Variants in RIMBP2 observed in about 807,000 individuals in gnomAD.
The protein encoded by RIMBP2 is RIMS-binding protein 2.
A neutral mutation model predicts 118.6 loss-of-function variants in RIMBP2; 48 were observed. The ratio of observed to expected loss-of-function variants is 0.40; its 90% confidence interval spans 0.32 to 0.51. The LOEUF (loss-of-function observed/expected upper bound fraction) is 0.51, where lower values mean the gene tolerates loss of function less well. Among genes scored for constraint, RIMBP2 ranks in the 20% least tolerant of loss-of-function variants. RIMBP2 has a pLI of 0.41. For synonymous variants in RIMBP2, 762 were observed against 742.9 expected (o/e 1.03, Z -0.42); for missense variants, 1,551 against 1,768.3 (o/e 0.88, Z 2.20).
At chr12:130,481,177 G>C (rs893539588) in intron 4 of RIMBP2, among the ~76,000 whole-genome samples, 1 of 151,948 alleles carries the variant, frequency 6.6e-6, no homozygotes, top group Non-Finnish European at 1.5e-5. Context: ...CCCAGGCTCA[G>C]GGGGAGGGGT....
At chr12:130,541,217 T>A (rs1406665892) in intron 2 of RIMBP2, among the ~76,000 whole-genome samples, 1 of 152,200 alleles carries the variant, frequency 6.6e-6, no homozygotes, top group Non-Finnish European at 1.5e-5. Context: ...GTCTCTCATC[T>A]TCTTCCCTCA....
At position 130,525,459 on chromosome 12, in the gene RIMBP2, A is replaced by G. The variant is rs968457907; in HGVS notation, c.-216-7542T>C. Reference sequence around the variant, plus strand: ...GTCATGCTTAGAGCCTCCTAGGGGCATGGATGACTAAGGAAGGTAGAGAAT... The same window carrying G: ...GTCATGCTTAGAGCCTCCTAGGGGCGTGGATGACTAAGGAAGGTAGAGAAT... On this transcript the variant is annotated intron_variant, in intron 2 of 22. Coordinates refer to ENST00000690449, the MANE Select transcript of RIMBP2 (RefSeq NM_001393629.1). The surrounding 1 kb of genome is among the most constrained non-coding windows in gnomAD (Gnocchi z 4.4). 6.6e-6 allele frequency among the ~76,000 whole-genome samples: 1 copy of G among 152,198 alleles called. No homozygotes were observed. The highest frequency in any genetic ancestry group is 1.5e-5 in the Non-Finnish European group (1 of 68,030).
chr12:130,603,386 A>C (rs1160110516), intron 2 of RIMBP2, among the ~76,000 whole-genome samples: 1 of 152,216 alleles, frequency 6.6e-6, no homozygotes, highest in African/African-American at 2.4e-5. Context: ...TGTGCTCGGA[A>C]GGCAGGTGTA....
intron 21 of RIMBP2, among the ~76,000 whole-genome samples, chr12:130,401,493 C>T (rs900279948): frequency 1.3e-5 from 2 of 151,874 alleles, no homozygotes; most frequent in African/African-American, 4.8e-5. Context: ...CTGCATCTTC[C>T]TGTTCAGCAA....
chr12:130,708,768 C>T (rs1217539328), intron 1 of RIMBP2, among the ~76,000 whole-genome samples: 4 of 152,214 alleles, frequency 2.6e-5, no homozygotes, highest in Non-Finnish European at 5.9e-5. Context: ...CTCTAAGAGG[C>T]TCGCGTGGGC....
chr12:130,552,775 G>A (rs1410534387), intron 2 of RIMBP2, among the ~76,000 whole-genome samples: 1 of 152,188 alleles, frequency 6.6e-6, no homozygotes, highest in African/African-American at 2.4e-5. Context: ...ATCCCAGGGT[G>A]ACAGAGCCTT....
At chr12:130,677,862 A>G (rs1942734431) in intron 1 of RIMBP2, among the ~76,000 whole-genome samples, 1 of 152,186 alleles carries the variant, frequency 6.6e-6, no homozygotes, top group Admixed American at 6.5e-5. Context: ...AAACCAGATC[A>G]CATTACACCT....
chr12:130,469,411 C>G lies in RIMBP2; in HGVS notation c.153+1282G>C, dbSNP rs1593418406. ...GTCATGTCAATGGGCTCCGGGGCAACTGGGGAGAGGCAACTACCTTTTCTG... is the reference window on the plus strand; with the variant it reads ...GTCATGTCAATGGGCTCCGGGGCAAGTGGGGAGAGGCAACTACCTTTTCTG... On this transcript the variant is annotated intron_variant, in intron 6 of 22. Coordinates refer to ENST00000690449, the MANE Select transcript of RIMBP2 (RefSeq NM_001393629.1). The surrounding 1 kb of genome is among the most constrained non-coding windows in gnomAD (Gnocchi z 4.8). 6.6e-6 allele frequency among the ~76,000 whole-genome samples: 1 copy of G among 152,118 alleles called. No homozygotes were observed. The highest frequency in any genetic ancestry group is 1.5e-5 in the Non-Finnish European group (1 of 68,032).
intron 20 of RIMBP2, among the ~76,000 whole-genome samples, chr12:130,406,705 A>T (rs527678225): frequency 6.6e-6 from 1 of 152,238 alleles, no homozygotes; most frequent in East Asian, 1.9e-4. Context: ...GGAGTGCAGC[A>T]GTGCAACCTC....
intron 6 of RIMBP2, among the ~76,000 whole-genome samples, chr12:130,464,831 G>C (rs1225832652): frequency 6.6e-6 from 1 of 152,280 alleles, no homozygotes; most frequent in East Asian, 1.9e-4. Flanking sequence ...CTGGCCCAGG[G>C]GTCACCCAGC....
At chr12:130,583,961 A>G (rs1273662157) in intron 2 of RIMBP2, among the ~76,000 whole-genome samples, 1 of 149,936 alleles carries the variant, frequency 6.7e-6, no homozygotes, top group Non-Finnish European at 1.5e-5. Context: ...TCGCATCACC[A>G]TCACCACCAA....
chr12:130,665,565 A>G (rs2129661), intron 1 of RIMBP2, among the ~76,000 whole-genome samples: 82,040 of 151,268 alleles, frequency 0.54, 23,528 homozygotes, highest in Non-Finnish European at 0.64. Context: ...AAAAACACCC[A>G]AATCTAATTG....
rs1335582546 is a variant in RIMBP2, at chr12:130,646,195, TTCCCTCTCCACC to T, written c.-351-17751_-351-17740del. On this transcript the variant is annotated intron_variant, in intron 1 of 22. Coordinates refer to ENST00000690449, the MANE Select transcript of RIMBP2 (RefSeq NM_001393629.1). ...CCTGCCTCTCCACCTCCCTCACCAC[TTCCCTCTCCACC>T]TCCCTCTCCACCTCCCTCACCACCT... 8.3e-3 allele frequency among the ~76,000 whole-genome samples: 36 copies of T among 4,346 alleles called. 4 individuals carry two copies. The highest frequency in any genetic ancestry group is 0.056 in the South Asian group (1 of 18). 2.9% of individuals were successfully genotyped at this position (4,346 alleles called of 152,430 possible).
chr12:130,441,347 G>A (rs1296306914), intron 11 of RIMBP2, among the ~76,000 whole-genome samples: 1 of 151,208 alleles, frequency 6.6e-6, no homozygotes, highest in African/African-American at 2.4e-5. Context: ...GTTGCAGTGA[G>A]CTGAGATTGC....
rs12832122 is a variant in RIMBP2, at chr12:130,646,106, T to G, written c.-351-17650A>C. Among the ~76,000 whole-genome samples, 251 of 51,128 alleles carry G rather than the reference T, an allele frequency of 4.9e-3. 10 individuals carry two copies. The highest frequency in any genetic ancestry group is 8.8e-3 in the African/African-American group (107 of 12,178). 33.5% of individuals were successfully genotyped at this position (51,128 alleles called of 152,430 possible). A position where few individuals can be genotyped will look rare whatever the true frequency, so the allele number is the denominator to read the frequency against. Reference sequence around the variant, plus strand: ...CACCACTTCCCTCTCCACCTCCCTCTCCACCTCCCTCACCACCTGCCTCTC... The same window carrying G: ...CACCACTTCCCTCTCCACCTCCCTCGCCACCTCCCTCACCACCTGCCTCTC... On this transcript the variant is annotated intron_variant, in intron 1 of 22. Coordinates refer to ENST00000690449, the MANE Select transcript of RIMBP2 (RefSeq NM_001393629.1).
Position 130,424,336 on chromosome 12 carries a change from C to T in RIMBP2, c.2935G>A (p.Gly979Ser), listed in dbSNP as rs1028325108. The change falls in exon 16 of 23, where the codon GGC (glycine) becomes AGC (serine). Residue 979 changes from glycine (G) to serine (S), a missense_variant. Gly to Ser is a moderately conservative substitution (Grantham distance 56). Around this residue, in one of 5 missense-constraint regions of RIMBP2, gnomAD observed 1,038 missense variants for 1,125.1 expected, o/e 0.92. Transcript: ENST00000690449. This position sits in a 1 kb window ranked among gnomAD's most constrained non-coding sequence, Gnocchi z 9.8. ...TCGTTCCTGAGGAGGCCACCAGGGC[C>T]CACCTGCTCCCCAAAGTCCTCCTCC... ...SVEEDFGEQV[G>S]PGGLLRNDDP... 7.3e-6 allele frequency: 9 copies of T among 1,231,920 alleles called. No homozygotes were observed. Among genetic ancestry groups the T allele is most frequent in the Non-Finnish European group, 9.1e-6 (9 of 987,888 alleles). 76.3% of individuals were successfully genotyped at this position (1,231,920 alleles called of 1,614,324 possible).
chr12:130,436,432 T>C (rs1233842131), intron 13 of RIMBP2, among the ~76,000 whole-genome samples: 1 of 152,106 alleles, frequency 6.6e-6, no homozygotes, highest in Non-Finnish European at 1.5e-5. Context: ...CATGTGTGTG[T>C]ATATATTTAC....
rs1358299217 is a variant in RIMBP2, at chr12:130,396,447, G to GTCTT, written c.*910_*913dup. ...CATCTGCCAGCAACTTTGTAAGTAA[G>GTCTT]TCTTTTGTTCAAATGCCAATGATGA... is the stretch of plus-strand genomic sequence containing the variant. On this transcript the variant is annotated 3_prime_UTR_variant, in exon 23 of 23. Coordinates refer to ENST00000690449, the MANE Select transcript of RIMBP2 (RefSeq NM_001393629.1). The GTCTT allele has an allele frequency of 1.3e-5, 2 of 152,630 alleles. No individual in the cohort carries two copies. The highest frequency in any genetic ancestry group is 2.4e-5 in the African/African-American group (1 of 41,456). The allele number at this position is 152,630 out of a possible 1,614,324, so 9.5% of individuals were successfully genotyped here.
rs73457123 is a variant in RIMBP2, at chr12:130,410,912, G to A, written c.3589+1707C>T. ...CTACATAAATCCCAGCACAGATTTCGAATGGTCTTGCACTGCATCTGTAGG... is the reference window on the plus strand; with the variant it reads ...CTACATAAATCCCAGCACAGATTTCAAATGGTCTTGCACTGCATCTGTAGG... On this transcript the variant is annotated intron_variant, in intron 19 of 22. Coordinates refer to ENST00000690449, the MANE Select transcript of RIMBP2 (RefSeq NM_001393629.1). Among the ~76,000 whole-genome samples the A allele has an allele frequency of 1.7e-3, 266 of 152,212 alleles. 2 individuals carry two copies. Among genetic ancestry groups the A allele is most frequent in the African/African-American group, 5.9e-3 (245 of 41,528 alleles).
Sources: allele counts gnomAD v4.1 joint callset (sites outside exome capture counted in the v4.1 genomes callset), GRCh38; gene constraint gnomAD v4.1.1; regional missense constraint gnomAD v4.1.1; non-coding constraint Gnocchi (gnomAD v3.1); transcripts MANE v1.5; gene names NCBI Gene and HGNC (gene_info 2026-07-23, HGNC 2026-07-21).